SNTG2: variants seen among roughly 807,000 people sequenced by gnomAD.
SNTG2 encodes syntrophin gamma 2.
SNTG2 carries 74 observed loss-of-function variants against 70.9 expected under a neutral mutation model. That is an observed-to-expected ratio of 1.04 (90% CI 0.86 to 1.27). SNTG2 has a LOEUF of 1.27. Among genes scored for constraint, SNTG2 ranks in the 50% most tolerant of loss-of-function variants. The pLI is 0.00. For synonymous variants in SNTG2, 278 were observed against 273.8 expected (o/e 1.02, Z -0.15); for missense variants, 717 against 690.7 (o/e 1.04, Z -0.43).
chr2:1,144,490 G>T (rs1030935231), intron 6 of SNTG2, among the ~76,000 whole-genome samples: 1 of 152,150 alleles, frequency 6.6e-6, no homozygotes, highest in African/African-American at 2.4e-5. Flanking sequence ...CGAATTTAAA[G>T]AACAGATATT....
intron 4 of SNTG2, among the ~76,000 whole-genome samples, chr2:1,124,420 G>A (rs1367956844): frequency 2.0e-5 from 3 of 151,744 alleles, no homozygotes; most frequent in Non-Finnish European, 4.4e-5. Flanking sequence ...TCAGCCTCCT[G>A]AGTAGCTGGG....
At chr2:958,211 A>G (rs956040833) in intron 1 of SNTG2, among the ~76,000 whole-genome samples, 1 of 152,162 alleles carries the variant, frequency 6.6e-6, no homozygotes, top group African/African-American at 2.4e-5. Context: ...CCCACGTGCA[A>G]AGGCTGAGAA....
intron 6 of SNTG2, chr2:1,160,563 C>T (rs1670202100): frequency 6.6e-6 from 1 of 152,154 alleles, no homozygotes; most frequent in South Asian, 2.1e-4. Flanking sequence ...ACTTCGTGTC[C>T]TGGGCTACTC....
intron 4 of SNTG2, among the ~76,000 whole-genome samples, chr2:1,099,801 G>A (rs1176990837): frequency 6.6e-6 from 1 of 152,214 alleles, no homozygotes; most frequent in Non-Finnish European, 1.5e-5. Flanking sequence ...CGTTCTCAGG[G>A]AAGAGAGGTT....
At chr2:1,003,339 G>T (rs1173924084) in intron 1 of SNTG2, among the ~76,000 whole-genome samples, 2 of 152,114 alleles carry the variant, frequency 1.3e-5, no homozygotes, top group East Asian at 1.9e-4. Context: ...CCTGGAATTG[G>T]GTAAGGTGAG....
chr2:951,036 G>C lies in SNTG2; in HGVS notation c.40G>C (p.Gly14Arg). Residue 14 changes from glycine (G) to arginine (R), a missense_variant, in exon 1 of 17, where the codon GGA becomes CGA. Gly to Arg is a moderately radical substitution (Grantham distance 125). Coordinates refer to ENST00000308624, the MANE Select transcript of SNTG2 (RefSeq NM_018968.4). ...ACCCCCGCCCCCGGCCGCCTCCCGC[G>C]GACGCCAGGGCTGCCTGCTGGTACC... is the stretch of plus-strand genomic sequence containing the variant. The part of the protein sequence containing the change: ...EGPPPPAASR[G>R]RQGCLLVPAR... The C allele has an allele frequency of 7.9e-7, 1 of 1,264,534 alleles. No homozygotes were observed. The highest frequency in any genetic ancestry group is 9.9e-7 in the Non-Finnish European group (1 of 1,007,732). The allele number at this position is 1,264,534 out of a possible 1,614,324, so 78.3% of individuals were successfully genotyped here.
At chr2:1,250,694 T>G (rs866747634) in intron 12 of SNTG2, among the ~76,000 whole-genome samples, 5 of 152,012 alleles carry the variant, frequency 3.3e-5, no homozygotes, top group Admixed American at 2.0e-4. Flanking sequence ...TCCATCTGTC[T>G]CTGTCTTTGG....
chr2:1,311,999 G>T (rs1328969492), intron 15 of SNTG2, among the ~76,000 whole-genome samples: 3 of 152,038 alleles, frequency 2.0e-5, no homozygotes, highest in African/African-American at 7.2e-5. Context: ...CCTGTGTGTG[G>T]TCAGATTTCT....
intron 14 of SNTG2, among the ~76,000 whole-genome samples, chr2:1,292,263 G>A (rs1468852683): frequency 6.6e-6 from 1 of 151,622 alleles, no homozygotes; most frequent in Non-Finnish European, 1.5e-5. Context: ...CTGTCTTTAG[G>A]GTTTTCTATA....
chr2:1,340,838 C>T (rs1226708118), intron 16 of SNTG2, among the ~76,000 whole-genome samples: 2 of 152,172 alleles, frequency 1.3e-5, no homozygotes, highest in South Asian at 2.1e-4. Flanking sequence ...AGGGCAATTA[C>T]AGTTTATTTT....
At chr2:1,241,923 A>G (rs28526082) in intron 11 of SNTG2, among the ~76,000 whole-genome samples, 1,627 of 152,308 alleles carry the variant, frequency 0.011, 23 homozygotes, top group African/African-American at 0.036. Flanking sequence ...CTGGTGTTGT[A>G]ATTTTAACAA....
chr2:1,201,888 G>A (rs1228445479), intron 8 of SNTG2, among the ~76,000 whole-genome samples: 4 of 152,040 alleles, frequency 2.6e-5, no homozygotes, highest in African/African-American at 9.7e-5. Context: ...GAGTGAACAT[G>A]AAGCAAGATA....
chr2:1,240,168 C>G (rs1676953955), intron 11 of SNTG2, among the ~76,000 whole-genome samples: 1 of 152,102 alleles, frequency 6.6e-6, no homozygotes, highest in African/African-American at 2.4e-5. Flanking sequence ...AAATAAAATC[C>G]TTACTAGGAA....
chr2:1,160,152 T>C (rs939840614), intron 6 of SNTG2: 1 of 152,218 alleles, frequency 6.6e-6, no homozygotes, highest in Non-Finnish European at 1.5e-5. Flanking sequence ...CTGACCTCTT[T>C]ATTCCCACAT....
intron 1 of SNTG2, among the ~76,000 whole-genome samples, chr2:1,051,365 G>T (rs527809245): frequency 6.6e-6 from 1 of 152,098 alleles, no homozygotes; most frequent in South Asian, 2.1e-4. Flanking sequence ...TTTTGTAGAC[G>T]TCTCTAACCA....
intron 9 of SNTG2, among the ~76,000 whole-genome samples, chr2:1,209,882 A>T (rs1572733556): frequency 6.6e-6 from 1 of 151,872 alleles, no homozygotes; most frequent in Admixed American, 6.6e-5. Context: ...CAGCAAAGGA[A>T]TTTTTTTTAA....
intron 8 of SNTG2, among the ~76,000 whole-genome samples, chr2:1,186,725 A>G (rs1356878885): frequency 2.0e-5 from 3 of 152,220 alleles, no homozygotes; most frequent in African/African-American, 4.8e-5. Context: ...ATCTGCCCTC[A>G]TGATCTGATC....
intron 15 of SNTG2, among the ~76,000 whole-genome samples, chr2:1,310,181 C>T (rs1680910010): frequency 6.6e-6 from 1 of 152,212 alleles, no homozygotes. Flanking sequence ...CCCCTCACTG[C>T]AGCCCCTGGG....
intron 12 of SNTG2, among the ~76,000 whole-genome samples, chr2:1,255,701 T>C (rs1553373265): frequency 6.6e-6 from 1 of 151,332 alleles, no homozygotes; most frequent in Non-Finnish European, 1.5e-5. Flanking sequence ...AGAACAGTAC[T>C]CCAGGCTTTC....
Sources: allele counts gnomAD v4.1 joint callset (sites outside exome capture counted in the v4.1 genomes callset), GRCh38; gene constraint gnomAD v4.1.1; transcripts MANE v1.5; gene names NCBI Gene and HGNC (gene_info 2026-07-23, HGNC 2026-07-21).